Variants in ABCA5 observed in about 807,000 individuals in gnomAD.
The protein encoded by ABCA5 is ATP binding cassette subfamily A member 5.
ABCA5 carries 163 observed loss-of-function variants against 206.0 expected under a neutral mutation model. The observed-to-expected ratio is 0.79, with a 90% CI of 0.70 to 0.90. The LOEUF is 0.90. Among genes scored for constraint, ABCA5 ranks in the 40% least tolerant of loss-of-function variants. The pLI, the probability that ABCA5 is intolerant of heterozygous loss-of-function variation, is 0.00. For missense variants in ABCA5, 1,859 were observed against 1,912.9 expected (o/e 0.97, Z 0.53); for synonymous variants, 609 against 613.8 (o/e 0.99, Z 0.11).
chr17:69,280,814 C>G (rs1285088495), intron 18 of ABCA5, among the ~76,000 whole-genome samples: 1 of 152,030 alleles, frequency 6.6e-6, no homozygotes, highest in East Asian at 1.9e-4. Flanking sequence ...TATTCTCACT[C>G]ATAGGTGGGA....
chr17:69,254,452 A>T lies in ABCA5; in HGVS notation c.4107T>A (p.Asp1369Glu), dbSNP rs1238354518. 1 of 1,612,900 alleles carries T rather than the reference A, an allele frequency of 6.2e-7. No individual in the cohort carries two copies. Among genetic ancestry groups the T allele is most frequent in the Non-Finnish European group, 8.5e-7 (1 of 1,179,548 alleles). ...LGDYSSETSE[D>E]DDSLKCMGYC... ...AACCCATACACTTCAGTGAATCATC[A>T]TCTTCACTTGTCTCTGAAGAATAAT... Residue 1369 changes from aspartate to glutamate, a missense_variant, in exon 32 of 39, where the codon GAT becomes GAA. Physicochemically the swap from Asp to Glu is conservative, Grantham distance 45. Transcript: ENST00000392676.
intron 8 of ABCA5, 140 bp from the exon 9 acceptor site, chr17:69,301,426 T>A (rs2075651539): frequency 2.1e-5 from 11 of 514,888 alleles, no homozygotes; most frequent in Non-Finnish European, 3.2e-5. Context: ...TTGACCAAAT[T>A]AATAATATAA....
chr17:69,282,282 C>T (rs1460601926), intron 18 of ABCA5, among the ~76,000 whole-genome samples: 3 of 152,144 alleles, frequency 2.0e-5, no homozygotes, highest in East Asian at 1.9e-4. Flanking sequence ...TGCTCATTCA[C>T]GGTCAGCCCT....
intron 28 of ABCA5, 39 bp from the exon 29 acceptor site, chr17:69,256,322 C>A (rs746602515): frequency 1.1e-5 from 15 of 1,343,720 alleles, no homozygotes; most frequent in Non-Finnish European, 1.4e-5. Flanking sequence ...AGTAGGTTTT[C>A]AAATAATTAA....
At chr17:69,309,947 T>C (rs777206033) in intron 3 of ABCA5, among the ~76,000 whole-genome samples, 3 of 152,136 alleles carry the variant, frequency 2.0e-5, no homozygotes, top group African/African-American at 4.8e-5. Context: ...TACAGAAATG[T>C]GTCAGTGTTA....
Position 69,246,850 on chromosome 17 carries a change from TATA to T in ABCA5, c.*684_*686del. 1 of 152,110 alleles carries T rather than the reference TATA, an allele frequency of 6.6e-6. No homozygotes were observed. The highest frequency in any genetic ancestry group is 2.1e-4 in the South Asian group (1 of 4,832). The allele number at this position is 152,110 out of a possible 1,614,324, so 9.4% of individuals were successfully genotyped here. A position where few individuals can be genotyped will look rare whatever the true frequency, so the allele number is the denominator to read the frequency against. The stretch of plus-strand genomic sequence containing the variant: ...ATTCTACACACAGTCTTCCTTTAAT[TATA>T]ATAACTAAAACCTTCTGAATTTTAC... On this transcript the variant is annotated 3_prime_UTR_variant, in exon 39 of 39. Transcript: ENST00000392676.
At chr17:69,285,874 CAA>C (rs757074412) in intron 17 of ABCA5, 22 bp downstream of exon 17, 1 of 1,595,994 alleles carries the variant, frequency 6.3e-7, no homozygotes, top group South Asian at 1.1e-5. Flanking sequence ...GTTCAAACAC[CAA>C]GAGACTTAAA....
intron 11 of ABCA5, among the ~76,000 whole-genome samples, chr17:69,293,252 T>C (rs117575449): frequency 0.043 from 6,472 of 152,056 alleles, 186 homozygotes; most frequent in Non-Finnish European, 0.066. Flanking sequence ...CTTCAGAAGA[T>C]TGTGGGGTCT....
In ABCA5 at chr17:69,304,805, G is replaced by A. The variant is rs2075699912; in HGVS notation, c.794C>T (p.Ser265Phe). 5.7e-6 allele frequency: 9 copies of A among 1,590,788 alleles called. No homozygotes were observed. The East Asian group carries it at 2.0e-4, about 36-fold the overall frequency. The change falls in exon 7 of 39, where the codon TCC (serine) becomes TTC (phenylalanine). Residue 265 changes from serine to phenylalanine, a missense_variant. Ser to Phe is a radical substitution (Grantham distance 155). Transcript: ENST00000392676. ...MGLHDTAFWL[S>F]WVLLYTSLIF... ...TAAACTTGTATATAGAAGAACCCAG[G>A]AAAGCCTAAAATGAGAATACAGATA... is the stretch of plus-strand genomic sequence containing the variant.
intron 19 of ABCA5, 57 bp downstream of exon 19, chr17:69,277,584 C>A: frequency 3.6e-6 from 5 of 1,377,786 alleles, no homozygotes; most frequent in Non-Finnish European, 4.9e-6. Flanking sequence ...GATGGTAAAA[C>A]CAATGTGTAT....
chr17:69,261,568 A>G, intron 25 of ABCA5, 67 bp downstream of exon 25: 1 of 752,584 alleles, frequency 1.3e-6, no homozygotes, highest in Non-Finnish European at 2.1e-6. Context: ...TTTTTAGTAT[A>G]ATCAGGAAAG....
chr17:69,275,814 GCAT>G (rs2075325318), intron 19 of ABCA5, among the ~76,000 whole-genome samples: 1 of 152,130 alleles, frequency 6.6e-6, no homozygotes, highest in Admixed American at 6.5e-5. Context: ...GCATCAGATG[GCAT>G]CATGAGGGTG....
Position 69,247,565 on chromosome 17 carries a change from C to G in ABCA5, c.4901G>C (p.Arg1634Pro). ...AAATACTACTCTATCTTCTTGTGTT[C>G]GTTCCCACCAAAGTGTGCTGTTTAA... ...GTLNSTLWWERTQEDRVVF is the reference protein window; with the variant it reads ...GTLNSTLWWEPTQEDRVVF Residue 1634 changes from arginine (R) to proline (P), a missense_variant, in exon 39 of 39, where the codon CGA becomes CCA. Physicochemically the swap from Arg to Pro is moderately radical, Grantham distance 103. Transcript: ENST00000392676. 1 of 1,608,518 alleles carries G rather than the reference C, an allele frequency of 6.2e-7. No homozygotes were observed. The highest frequency in any genetic ancestry group is 1.7e-5 in the Admixed American group (1 of 58,764).
At position 69,270,897 on chromosome 17, in the gene ABCA5, A is replaced by G. The variant is rs996539518; in HGVS notation, c.2893-147T>C. On this transcript the variant is annotated intron_variant, in intron 21 of 38. Transcript: ENST00000392676. Reference sequence around the variant, plus strand: ...ACAGAAATAATACTCAATGACAGATAAAGACAATCTGGTTTGGAATGTACA... The same window carrying G: ...ACAGAAATAATACTCAATGACAGATGAAGACAATCTGGTTTGGAATGTACA... 4 of 833,184 alleles carry G rather than the reference A, an allele frequency of 4.8e-6. No individual in the cohort carries two copies. The African/African-American group carries it at 5.4e-5, about 11-fold the overall frequency. The allele number at this position is 833,184 out of a possible 1,614,324, so 51.6% of individuals were successfully genotyped here.
At chr17:69,321,302 G>A (rs1276508477) in intron 1 of ABCA5, among the ~76,000 whole-genome samples, 2 of 152,154 alleles carry the variant, frequency 1.3e-5, no homozygotes, top group Admixed American at 6.5e-5. Flanking sequence ...GAGGTGACAT[G>A]AAAGCGGTGT....
chr17:69,319,066 TTAAA>T (rs1446090491), intron 1 of ABCA5: 20 of 324,420 alleles, frequency 6.2e-5, no homozygotes, highest in Non-Finnish European at 9.7e-5. Flanking sequence ...TTAGACTCTG[TTAAA>T]TAAACTTCTG....
At chr17:69,273,335 T>C (rs2075293373) in intron 20 of ABCA5, among the ~76,000 whole-genome samples, 1 of 151,990 alleles carries the variant, frequency 6.6e-6, no homozygotes. Flanking sequence ...TTTTCAACTT[T>C]TGAAGTATAT....
chr17:69,293,966 G>GGC (rs970322106), intron 11 of ABCA5, among the ~76,000 whole-genome samples: 32 of 151,702 alleles, frequency 2.1e-4, no homozygotes, highest in African/African-American at 7.7e-4. Context: ...TTAAAGAACA[G>GGC]TTCTTCACAA....
intron 18 of ABCA5, 103 bp downstream of exon 18, chr17:69,283,850 C>A: frequency 8.4e-7 from 1 of 1,191,230 alleles, no homozygotes; most frequent in Non-Finnish European, 1.1e-6. Flanking sequence ...TTATTTCTAC[C>A]CTTTATTCTA....
Sources: allele counts gnomAD v4.1 joint callset (sites outside exome capture counted in the v4.1 genomes callset), GRCh38; gene constraint gnomAD v4.1.1; transcripts MANE v1.5; gene names NCBI Gene and HGNC (gene_info 2026-07-23, HGNC 2026-07-21).